The following CDH4 variants were observed in gnomAD, a reference collection of about 807,000 sequenced individuals.
The protein encoded by CDH4 is cadherin-4.
Under a neutral mutation model 86.0 loss-of-function variants are expected in CDH4, and 33 were observed. The ratio of observed to expected loss-of-function variants is 0.38; its 90% CI spans 0.29 to 0.51. CDH4 has a LOEUF of 0.51. Ranked by LOEUF, CDH4 falls within the 20% of genes least tolerant of loss-of-function variation. CDH4 has a pLI of 0.86. For missense variants in CDH4, 1,114 were observed against 1,307.4 expected, an observed-to-expected ratio of 0.85 and a Z score of 2.28; for synonymous variants, 555 against 549.4, an observed-to-expected ratio of 1.01 and a Z score of -0.14.
chr20:61,571,020 G>A (rs553630408), intron 2 of CDH4, among the ~76,000 whole-genome samples: 2 of 152,190 alleles, frequency 1.3e-5, no homozygotes, highest in Non-Finnish European at 2.9e-5. Flanking sequence ...GAGTGTGGTG[G>A]ATACCTAGCT....
intron 2 of CDH4, among the ~76,000 whole-genome samples, chr20:61,424,266 A>G (rs111164175): frequency 4.2e-5 from 6 of 142,600 alleles, no homozygotes; most frequent in Middle Eastern, 3.5e-3. Context: ...ATATCCACAC[A>G]CATCCACATA....
At chr20:61,700,042 G>A (rs564367505) in intron 2 of CDH4, among the ~76,000 whole-genome samples, 8 of 152,272 alleles carry the variant, frequency 5.3e-5, no homozygotes, top group South Asian at 2.1e-4. Context: ...GCGTGCACTC[G>A]GAACACCCCA....
At chr20:61,632,472 C>T (rs1428172605) in intron 2 of CDH4, among the ~76,000 whole-genome samples, 2 of 152,122 alleles carry the variant, frequency 1.3e-5, no homozygotes, top group African/African-American at 4.8e-5. Context: ...GCATCGTTAA[C>T]GCCGGGCCTC....
At chr20:61,531,486 AAAAAAAAAAG>A (rs1250608459) in intron 2 of CDH4, among the ~76,000 whole-genome samples, 1 of 148,016 alleles carries the variant, frequency 6.8e-6, no homozygotes, top group African/African-American at 2.7e-5. Context: ...AAAAAAAAAA[AAAAAAAAAAG>A]GGATTTAGCA....
chr20:61,928,316 T>C lies in CDH4; in HGVS notation c.1898T>C (p.Ile633Thr), dbSNP rs1246118201. The C allele has an allele frequency of 6.2e-7, 1 of 1,610,578 alleles. No homozygotes were observed. Among genetic ancestry groups the C allele is most frequent in the Non-Finnish European group, 8.5e-7 (1 of 1,180,010 alleles). Residue 633 changes from isoleucine to threonine, a missense_variant, in exon 12 of 16, where the codon ATC (isoleucine) becomes ACC (threonine). By Grantham distance (89) the Ile-to-Thr change is moderately conservative. Transcript: ENST00000614565. ...AAGCCCAACCTGAACGCCATCAACA[T>C]CACGGCGGCCGACGCTGACGTCGAC... The part of the protein sequence containing the change: ...CEKPNLNAIN[I>T]TAADADVDPN...
At chr20:61,347,121 C>T (rs1233838248) in intron 2 of CDH4, among the ~76,000 whole-genome samples, 1 of 152,208 alleles carries the variant, frequency 6.6e-6, no homozygotes, top group African/African-American at 2.4e-5. Flanking sequence ...CAGGAACCTA[C>T]ATTACCCCTG....
chr20:61,846,433 C>T (rs1982459405), intron 5 of CDH4, among the ~76,000 whole-genome samples: 1 of 152,194 alleles, frequency 6.6e-6, no homozygotes, highest in Admixed American at 6.5e-5. Context: ...CTACAACAGG[C>T]TCAGGAACCG....
At position 61,830,578 on chromosome 20, in the gene CDH4, G is replaced by A. The variant is rs572666412; in HGVS notation, c.577-14090G>A. Among the ~76,000 whole-genome samples, 110 of 152,264 alleles carry A rather than the reference G, an allele frequency of 7.2e-4. 1 individual carries two copies. Among genetic ancestry groups the A allele is most frequent in the African/African-American group, 2.4e-3 (100 of 41,556 alleles). On this transcript the variant is annotated intron_variant, in intron 4 of 15. Coordinates refer to ENST00000614565, the MANE Select transcript of CDH4 (RefSeq NM_001794.5). ...ACCCCAGGAGATCTGCAGCGGCCCC[G>A]CCTCCCAGGCCTCCCCCATGCTGAG...
In CDH4 at chr20:61,562,001, C is replaced by A. The variant is rs577571186; in HGVS notation, c.170-181562C>A. On this transcript the variant is annotated intron_variant, in intron 2 of 15. Transcript: ENST00000614565. ...AGGGACCTTCGTGTGGAGAGGTGGA[C>A]CCCAGGGCTCCCGGAGAGAGAGAGG... 1.2e-3 allele frequency among the ~76,000 whole-genome samples: 174 copies of A among 151,070 alleles called. 1 individual carries two copies. Among genetic ancestry groups the A allele is most frequent in the African/African-American group, 4.1e-3 (167 of 41,046 alleles).
chr20:61,715,030 AATGTGTGAGC>A (rs1306085591), intron 2 of CDH4, among the ~76,000 whole-genome samples: 1 of 152,218 alleles, frequency 6.6e-6, no homozygotes, highest in Non-Finnish European at 1.5e-5. Flanking sequence ...TCCCATCAGC[AATGTGTGAGC>A]ATTTGCTTTC....
intron 4 of CDH4, among the ~76,000 whole-genome samples, chr20:61,819,143 T>G (rs1440964131): frequency 6.6e-6 from 1 of 152,166 alleles, no homozygotes; most frequent in Non-Finnish European, 1.5e-5. Flanking sequence ...TCTGGGGTCT[T>G]TGTATCTGCA....
At chr20:61,618,320 C>T (rs543637539) in intron 2 of CDH4, among the ~76,000 whole-genome samples, 1 of 152,198 alleles carries the variant, frequency 6.6e-6, no homozygotes, top group Admixed American at 6.5e-5. Flanking sequence ...CCCATCCTGG[C>T]TGGGAGCGTT....
chr20:61,503,152 T>C (rs2085716737), intron 2 of CDH4, among the ~76,000 whole-genome samples: 1 of 152,220 alleles, frequency 6.6e-6, no homozygotes, highest in South Asian at 2.1e-4. Context: ...GCAAATGTCC[T>C]GGGGTGTTTG....
intron 2 of CDH4, among the ~76,000 whole-genome samples, chr20:61,437,715 T>G (rs2085292358): frequency 6.6e-6 from 1 of 152,154 alleles, no homozygotes; most frequent in Non-Finnish European, 1.5e-5. Flanking sequence ...CTGGGTCCAT[T>G]GTACTCCACT....
At chr20:61,391,510 G>A (rs561958266) in intron 2 of CDH4, among the ~76,000 whole-genome samples, 3 of 151,402 alleles carry the variant, frequency 2.0e-5, no homozygotes, top group East Asian at 2.0e-4. Context: ...CACTCTGCAC[G>A]TGTGGCGTAA....
intron 2 of CDH4, among the ~76,000 whole-genome samples, chr20:61,601,217 C>T (rs2086597920): frequency 6.6e-6 from 1 of 152,128 alleles, no homozygotes; most frequent in Non-Finnish European, 1.5e-5. Context: ...TAGGGGAGCA[C>T]AGAGGGGGAA....
intron 2 of CDH4, among the ~76,000 whole-genome samples, chr20:61,378,433 C>A (rs2145443337): frequency 6.6e-6 from 1 of 152,234 alleles, no homozygotes; most frequent in South Asian, 2.1e-4. Flanking sequence ...AAGGTGTGGG[C>A]AGGACCATGC....
At chr20:61,264,202 G>C (rs567612018) in intron 2 of CDH4, among the ~76,000 whole-genome samples, 1 of 152,106 alleles carries the variant, frequency 6.6e-6, no homozygotes, top group Non-Finnish European at 1.5e-5. Context: ...ACTGGCTTCC[G>C]CACACTAAGG....
chr20:61,741,170 C>G (rs942697972), intron 2 of CDH4, among the ~76,000 whole-genome samples: 1 of 152,108 alleles, frequency 6.6e-6, no homozygotes, highest in Admixed American at 6.5e-5. Context: ...GACGGCACCA[C>G]GGCACTCCAG....
Sources: allele counts gnomAD v4.1 joint callset (sites outside exome capture counted in the v4.1 genomes callset), GRCh38; gene constraint gnomAD v4.1.1; transcripts MANE v1.5; gene names NCBI Gene and HGNC (gene_info 2026-07-23, HGNC 2026-07-21).